Variants in NOS1 observed in about 807,000 individuals in gnomAD.
NOS1 encodes the protein NOS type I.
A neutral mutation model predicts 164.5 loss-of-function variants in NOS1; 51 were observed. The observed-to-expected ratio is 0.31, with a 90% CI of 0.25 to 0.39. NOS1 has a LOEUF of 0.39. NOS1 is among the 10% of genes least tolerant of loss of function. NOS1 has a pLI of 1.00. For synonymous variants in NOS1, 719 were observed against 745.8 expected, an observed-to-expected ratio of 0.96 and a Z score of 0.59; for missense variants, 1,362 against 1,885.6, an observed-to-expected ratio of 0.72 and a Z score of 5.14.
At position 117,325,764 on chromosome 12, in the gene NOS1, C is replaced by T. The variant is rs13328977; in HGVS notation, c.725+4581G>A. The stretch of plus-strand genomic sequence containing the variant: ...GGCGACGCTGCTCATGGCATTTGAG[C>T]CAAAACAACACACCTGTGTCAGTCT... On this transcript the variant is annotated intron_variant, in intron 2 of 28. Transcript: ENST00000317775. Among the ~76,000 whole-genome samples, 1,017 of 152,310 alleles carry T rather than the reference C, an allele frequency of 6.7e-3. 12 individuals carry two copies. The highest frequency in any genetic ancestry group is 0.023 in the African/African-American group (969 of 41,570).
chr12:117,274,878 T>C (rs1873056748), intron 9 of NOS1, among the ~76,000 whole-genome samples: 1 of 151,490 alleles, frequency 6.6e-6, no homozygotes, highest in South Asian at 2.1e-4. Context: ...GGAATCAACC[T>C]AGGTGTCTAA....
At chr12:117,350,366 G>A (rs1022124075) in intron 1 of NOS1, among the ~76,000 whole-genome samples, 20 of 152,138 alleles carry the variant, frequency 1.3e-4, no homozygotes, top group African/African-American at 4.8e-4. Context: ...GCACACCAAA[G>A]CTATTTCAAC....
rs77641723 is a variant in NOS1 at position 117,352,321 on chromosome 12, A to T, written c.-421+9191T>A. On this transcript the variant is annotated intron_variant, in intron 1 of 28. Transcript: ENST00000317775. ...TTGCTATCACTGAGAAGGAGGTCAGAGCTTCAGTTCTGCACAACCCTCTCA... is the reference window on the plus strand; with the variant it reads ...TTGCTATCACTGAGAAGGAGGTCAGTGCTTCAGTTCTGCACAACCCTCTCA... Among the ~76,000 whole-genome samples the T allele has an allele frequency of 6.8e-3, 1,032 of 152,268 alleles. 11 individuals carry two copies. The highest frequency in any genetic ancestry group is 0.023 in the African/African-American group (974 of 41,556).
At chr12:117,341,317 G>A (rs950527829) in intron 1 of NOS1, among the ~76,000 whole-genome samples, 3 of 152,242 alleles carry the variant, frequency 2.0e-5, no homozygotes, top group African/African-American at 7.2e-5. Flanking sequence ...CACGGCACAT[G>A]AAAGATGCAT....
chr12:117,260,677 C>G, intron 13 of NOS1, 68 bp from the exon 14 acceptor site: 1 of 1,536,396 alleles, frequency 6.5e-7, no homozygotes. Flanking sequence ...TGGATTGGGA[C>G]TTTCGTGCAA....
At chr12:117,333,537 G>A (rs188934302) in intron 1 of NOS1, among the ~76,000 whole-genome samples, 60 of 152,274 alleles carry the variant, frequency 3.9e-4, no homozygotes, top group African/African-American at 1.1e-3. Context: ...CAATGGGGGG[G>A]TGTGTGGGGG....
At position 117,278,827 on chromosome 12, in the gene NOS1, T is replaced by C. The variant is rs539310702; in HGVS notation, c.1525-729A>G. 5.0e-4 allele frequency among the ~76,000 whole-genome samples: 74 copies of C among 149,422 alleles called. 1 individual carries two copies. Among genetic ancestry groups the C allele is most frequent in the African/African-American group, 1.6e-3 (66 of 41,096 alleles). ...TATTAATATTAATTTATTAATAGTA[T>C]ATTAAATATTACTATCATATATTCT... On this transcript the variant is annotated intron_variant, in intron 8 of 28. Coordinates refer to ENST00000317775, the MANE Select transcript of NOS1 (RefSeq NM_000620.5).
In NOS1 at chr12:117,356,107, G is replaced by A. The variant is rs1876841987; in HGVS notation, c.-421+5405C>T. ...TGATCACTGAGATGGGCTGGATGCTGTTTCCTTTCCAGAGTTAAACACACA... is the reference window on the plus strand; with the variant it reads ...TGATCACTGAGATGGGCTGGATGCTATTTCCTTTCCAGAGTTAAACACACA... On this transcript the variant is annotated intron_variant, in intron 1 of 28. Transcript: ENST00000317775. The surrounding 1 kb of genome is among the most constrained non-coding windows in gnomAD (Gnocchi z 4.2). Among the ~76,000 whole-genome samples, 1 of 152,202 alleles carries A rather than the reference G, an allele frequency of 6.6e-6. No individual in the cohort carries two copies. Among genetic ancestry groups the A allele is most frequent in the Admixed American group, 6.5e-5 (1 of 15,276 alleles).
intron 3 of NOS1, among the ~76,000 whole-genome samples, chr12:117,310,834 A>T (rs1003590555): frequency 1.3e-4 from 19 of 151,872 alleles, no homozygotes; most frequent in Admixed American, 3.3e-4. Context: ...TTTTTTTTTT[A>T]AAAGAGATAG....
At chr12:117,261,973 A>G (rs1871940621) in intron 13 of NOS1, among the ~76,000 whole-genome samples, 1 of 152,170 alleles carries the variant, frequency 6.6e-6, no homozygotes, top group South Asian at 2.1e-4. Flanking sequence ...AGGCTCAGAA[A>G]TACCCAGGCT....
chr12:117,347,299 A>G (rs1351210129), intron 1 of NOS1, among the ~76,000 whole-genome samples: 1 of 26,838 alleles, frequency 3.7e-5, no homozygotes. Context: ...AAAACAAGGA[A>G]AAAAAAAAAA....
In NOS1 at chr12:117,212,718, A is replaced by G. The variant is rs1956547152; in HGVS notation, c.*2591T>C. The G allele has an allele frequency of 1.0e-5, 10 of 985,390 alleles. No homozygotes were observed. The highest frequency in any genetic ancestry group is 1.2e-5 in the Non-Finnish European group (10 of 829,942). The allele number at this position is 985,390 out of a possible 1,614,324, so 61.0% of individuals were successfully genotyped here. ...TTTTGCTTACCCATTGCTTAATTCT[A>G]TTTTGCACTTAAACGGTTGGCTACG... On this transcript the variant is annotated 3_prime_UTR_variant, in exon 29 of 29. Transcript: ENST00000317775.
chr12:117,256,116 TG>T lies in NOS1; in HGVS notation c.2531+2280del, dbSNP rs1435465503. The T allele has an allele frequency of 8.4e-6, 6 of 711,928 alleles. No individual in the cohort carries two copies. The Admixed American group carries it at 1.9e-4, about 23-fold the overall frequency. The allele number at this position is 711,928 out of a possible 1,614,324, so 44.1% of individuals were successfully genotyped here. The stretch of plus-strand genomic sequence containing the variant: ...GAACCTGCTGGGAGGCCATCTAGGA[TG>T]GGGTGGGAAGGAGAGAGGTAAGGAG... On this transcript the variant is annotated intron_variant, in intron 16 of 28. Transcript: ENST00000317775.
intron 1 of NOS1, among the ~76,000 whole-genome samples, chr12:117,335,766 G>GAGAGAGAGAGAGAGAGAGAGAGAT (rs1875789020): frequency 7.1e-6 from 1 of 140,134 alleles, no homozygotes; most frequent in African/African-American, 2.7e-5. Flanking sequence ...GAGAGAGAGA[G>GAGAGAGAGAGAGAGAGAGAGAGAT]AGAGACAGGG....
intron 25 of NOS1, among the ~76,000 whole-genome samples, chr12:117,224,145 A>G (rs757569358): frequency 6.6e-6 from 1 of 152,162 alleles, no homozygotes; most frequent in Non-Finnish European, 1.5e-5. Flanking sequence ...ATTTGTTTTT[A>G]TAATCATCCC....
At chr12:117,236,447 C>T (rs754657843) in intron 20 of NOS1, among the ~76,000 whole-genome samples, 2 of 152,234 alleles carry the variant, frequency 1.3e-5, no homozygotes, top group African/African-American at 2.4e-5. Flanking sequence ...AAGGCATCCC[C>T]GCCCTTAGCA....
chr12:117,276,143 G>C (rs1873161577), intron 9 of NOS1, among the ~76,000 whole-genome samples: 1 of 152,128 alleles, frequency 6.6e-6, no homozygotes, highest in Non-Finnish European at 1.5e-5. Context: ...CATGGAGAAT[G>C]GGGTATCCAT....
In NOS1 at chr12:117,234,734, G is replaced by C. The variant is rs13377860; in HGVS notation, c.3066C>G (p.Leu1022=). 6.6e-4 allele frequency: 1,067 copies of C among 1,613,232 alleles called. 7 individuals are homozygous for C. In the African/African-American group the frequency reaches 0.013, roughly 20 times the overall value. ...KSSRSTIFVR[L]HTNGSQELQY... ...GCAGCTCCTGGCTCCCGTTGGTGTGGAGACGCACGAAGATAGTTGACCGAC... is the reference window on the plus strand; with the variant it reads ...GCAGCTCCTGGCTCCCGTTGGTGTGCAGACGCACGAAGATAGTTGACCGAC... The change falls in exon 21 of 29, where the codon CTC becomes CTG. Residue 1022 remains leucine, a synonymous_variant. Transcript: ENST00000317775. This position sits in a 1 kb window ranked among gnomAD's most constrained non-coding sequence, Gnocchi z 4.3.
intron 1 of NOS1, among the ~76,000 whole-genome samples, chr12:117,337,307 G>C: frequency 6.6e-6 from 1 of 151,886 alleles, no homozygotes; most frequent in African/African-American, 2.4e-5. Flanking sequence ...TAGTAGAGAT[G>C]GGGTTTCACC....
Sources: gnomAD v4.1 joint callset for allele counts (sites outside exome capture counted in the v4.1 genomes callset) on GRCh38, gnomAD v4.1.1 for gene constraint, Gnocchi (gnomAD v3.1) non-coding constraint, MANE v1.5 for transcripts, NCBI Gene and HGNC (gene_info 2026-07-23, HGNC 2026-07-21) for gene names.